The following RPSA2 variants were observed in gnomAD, a reference collection of about 807,000 sequenced individuals.
RPSA2 encodes the protein ribosomal protein SA 2, also known as small ribosomal subunit protein uS2B.
At chr19:23,827,076 T>G in the RPSA2 span, 9 of 734,048 alleles carry the variant, frequency 1.2e-5, no homozygotes, top group Non-Finnish European at 1.9e-5. Flanking sequence ...ACAGTAACAA[T>G]GCTGCAGCTT....
At chr19:23,863,296 G>A in the RPSA2 span, among the ~76,000 whole-genome samples, 10 of 152,108 alleles carry the variant, frequency 6.6e-5, no homozygotes, top group Admixed American at 3.3e-4. Flanking sequence ...AACAGCAGTG[G>A]CACCCACCTG....
chr19:23,842,380 A>G, the RPSA2 span, among the ~76,000 whole-genome samples: 1 of 152,342 alleles, frequency 6.6e-6, no homozygotes, highest in Non-Finnish European at 1.5e-5. Context: ...TTTGTTCAGA[A>G]TGAAGGAATG....
At chr19:23,807,484 A>G in the RPSA2 span, among the ~76,000 whole-genome samples, 3 of 152,202 alleles carry the variant, frequency 2.0e-5, no homozygotes, top group Non-Finnish European at 2.9e-5. Context: ...GTAAAGAACT[A>G]TGTCTTTTTC....
At chr19:23,859,404 G>A in the RPSA2 span, among the ~76,000 whole-genome samples, 4 of 152,120 alleles carry the variant, frequency 2.6e-5, no homozygotes, top group African/African-American at 9.7e-5. Context: ...TGTGGTGGGC[G>A]AATCACCTGA....
the RPSA2 span, among the ~76,000 whole-genome samples, chr19:23,760,729 G>A: frequency 1.3e-5 from 2 of 148,712 alleles, no homozygotes; most frequent in Admixed American, 6.7e-5. Flanking sequence ...CAATGGTGCA[G>A]TCTCGGCTCA....
chr19:23,814,722 G>A, the RPSA2 span, among the ~76,000 whole-genome samples: 2 of 152,180 alleles, frequency 1.3e-5, no homozygotes, highest in Non-Finnish European at 2.9e-5. Context: ...ATGTTGAAGA[G>A]TGTGTTTTAT....
the RPSA2 span, among the ~76,000 whole-genome samples, chr19:23,842,140 A>G: frequency 6.6e-6 from 1 of 152,222 alleles, no homozygotes; most frequent in African/African-American, 2.4e-5. Flanking sequence ...TTGAATTAGA[A>G]TACGTATTTT....
the RPSA2 span, among the ~76,000 whole-genome samples, chr19:23,810,144 A>T: frequency 6.6e-6 from 1 of 152,252 alleles, no homozygotes; most frequent in East Asian, 1.9e-4. Context: ...CTGTAATCCC[A>T]GCACTGTGGG....
chr19:23,817,305 C>A, the RPSA2 span, among the ~76,000 whole-genome samples: 6 of 152,176 alleles, frequency 3.9e-5, no homozygotes, highest in Non-Finnish European at 8.8e-5. Flanking sequence ...TTGCCTGAAC[C>A]CGGGAGGGAG....
At chr19:23,850,574 TG>T in the RPSA2 span, among the ~76,000 whole-genome samples, 98 of 150,904 alleles carry the variant, frequency 6.5e-4, no homozygotes, top group African/African-American at 2.1e-3. Flanking sequence ...TGGTGTTCAT[TG>T]TCAGTATTCA....
At chr19:23,831,693 A>T in the RPSA2 span, 1 of 241,932 alleles carries the variant, frequency 4.1e-6, no homozygotes, top group Non-Finnish European at 9.2e-6. Flanking sequence ...AAATGTGGAC[A>T]TGATAATTTA....
At chr19:23,870,779 C>T in the RPSA2 span, among the ~76,000 whole-genome samples, 139 of 152,212 alleles carry the variant, frequency 9.1e-4, no homozygotes, top group African/African-American at 3.3e-3. Context: ...TCAATTAATG[C>T]AAAAACAGAA....
the RPSA2 span, among the ~76,000 whole-genome samples, chr19:23,817,101 A>G: frequency 0.98 from 148,952 of 152,280 alleles, 72,942 homozygotes; most frequent in Middle Eastern, 1. Flanking sequence ...AAATTTTTAG[A>G]CTGGGTGCAG....
the RPSA2 span, among the ~76,000 whole-genome samples, chr19:23,770,607 C>T: frequency 2.0e-5 from 3 of 152,284 alleles, no homozygotes; most frequent in Middle Eastern, 3.4e-3. Context: ...CCCCCCTTTT[C>T]TGCCTGCACC....
the RPSA2 span, among the ~76,000 whole-genome samples, chr19:23,868,981 T>G: frequency 6.6e-6 from 1 of 152,190 alleles, no homozygotes; most frequent in Non-Finnish European, 1.5e-5. Flanking sequence ...GAGAAACTAC[T>G]GGAGCGTCAA....
the RPSA2 span, among the ~76,000 whole-genome samples, chr19:23,871,141 C>G: frequency 2.0e-5 from 3 of 152,188 alleles, no homozygotes; most frequent in Non-Finnish European, 2.9e-5. Flanking sequence ...AAGGAGCCCC[C>G]TGACCCCTTC....
At chr19:23,784,241 G>A in the RPSA2 span, among the ~76,000 whole-genome samples, 1 of 152,344 alleles carries the variant, frequency 6.6e-6, no homozygotes, top group East Asian at 1.9e-4. Context: ...TAAAGCCCTA[G>A]TGTGTTATAG....
At chr19:23,830,320 G>A in the RPSA2 span, among the ~76,000 whole-genome samples, 11 of 151,864 alleles carry the variant, frequency 7.2e-5, no homozygotes, top group Non-Finnish European at 1.0e-4. Context: ...AATTTTTGTC[G>A]TTTTGGTAGA....
the RPSA2 span, among the ~76,000 whole-genome samples, chr19:23,844,186 G>T: frequency 4.8e-3 from 734 of 152,188 alleles, 3 homozygotes; most frequent in African/African-American, 0.013. Flanking sequence ...TTGGTCATTT[G>T]TATATAATTC....
Sources: gnomAD v4.1 joint callset for allele counts (sites outside exome capture counted in the v4.1 genomes callset) on GRCh38, gnomAD v4.1.1 for gene constraint, MANE v1.5 for transcripts, NCBI Gene and HGNC (gene_info 2026-07-23, HGNC 2026-07-21) for gene names.